Variants in OR2L2 observed in about 807,000 individuals in gnomAD.
OR2L2 encodes olfactory receptor 2L2.
For synonymous variants in OR2L2, 156 were observed against 135.4 expected, an observed-to-expected ratio of 1.15 and a Z score of -1.06; for missense variants, 378 against 375.2, an observed-to-expected ratio of 1.01 and a Z score of -0.06.
Position 248,039,656 on chromosome 1 carries a change from T to C in OR2L2, c.*450T>C, listed in dbSNP as rs1216813456. 4 of 153,766 alleles carry C rather than the reference T, an allele frequency of 2.6e-5. No homozygotes were observed. The East Asian group carries it at 7.7e-4, about 29-fold the overall frequency. The allele number at this position is 153,766 out of a possible 1,614,324, so 9.5% of individuals were successfully genotyped here. On this transcript the variant is annotated 3_prime_UTR_variant, in exon 3 of 3. Coordinates refer to ENST00000641771, the MANE Select transcript of OR2L2 (RefSeq NM_001385855.1). ...TGTGGGCAACAGGGTTTCATTAACA[T>C]GTAGAAATCAAAACAATAAAGGTCC...
chr1:248,033,893 G>T (rs568964652), intron 1 of OR2L2, among the ~76,000 whole-genome samples: 1 of 152,142 alleles, frequency 6.6e-6, no homozygotes, highest in Non-Finnish European at 1.5e-5. Context: ...CAGTCAGAAA[G>T]AGAATGAAAT....
In OR2L2 at chr1:248,039,153, G is replaced by A. The variant is rs762468283; in HGVS notation, c.886G>A (p.Val296Met). 1.2e-6 allele frequency: 2 copies of A among 1,613,614 alleles called. No individual in the cohort carries two copies. The highest frequency in any genetic ancestry group is 4.5e-5 in the East Asian group (2 of 44,874). Residue 296 changes from valine to methionine, a missense_variant, in exon 3 of 3, where the codon GTG (valine) becomes ATG (methionine). Transcript: ENST00000641771. The part of the protein sequence containing the change: ...PIIYSLRNKE[V>M]MGALTQVIQK... ...CATCTACAGCCTGAGAAACAAGGAGGTGATGGGGGCCCTGACACAAGTGAT... is the reference window on the plus strand; with the variant it reads ...CATCTACAGCCTGAGAAACAAGGAGATGATGGGGGCCCTGACACAAGTGAT...
At chr1:248,033,465 C>G (rs1662673578) in intron 1 of OR2L2, among the ~76,000 whole-genome samples, 1 of 151,636 alleles carries the variant, frequency 6.6e-6, no homozygotes, top group Non-Finnish European at 1.5e-5. Context: ...GAAACAGGGT[C>G]TCACTCTGTC....
chr1:248,039,125 C>T lies in OR2L2; in HGVS notation c.858C>T (p.Pro286=), dbSNP rs1163819001. The T allele has an allele frequency of 2.5e-6, 4 of 1,614,084 alleles. No individual in the cohort carries two copies. Among genetic ancestry groups the T allele is most frequent in the African/African-American group, 2.7e-5 (2 of 75,046 alleles). Residue 286 remains proline, a synonymous_variant, in exon 3 of 3, where the codon CCC becomes CCT. Transcript: ENST00000641771. Reference sequence around the variant, plus strand: ...CCATCCTCACCCCAATGCTCAACCCCATCATCTACAGCCTGAGAAACAAGG... The same window carrying T: ...CCATCCTCACCCCAATGCTCAACCCTATCATCTACAGCCTGAGAAACAAGG... The part of the protein sequence containing the change: ...FYTILTPMLN[P]IIYSLRNKEV...
rs1662739548 is a variant in OR2L2, at chr1:248,035,608, C to T, written c.-38C>T. 6.6e-6 allele frequency: 1 copy of T among 152,140 alleles called. No homozygotes were observed. Among genetic ancestry groups the T allele is most frequent in the African/African-American group, 2.4e-5 (1 of 41,416 alleles). The allele number at this position is 152,140 out of a possible 1,614,324, so 9.4% of individuals were successfully genotyped here. ...CTAAAATATTGGACCCATAACAGAC[C>T]CTTCCTGAACCCAAAGGTAAGGACT... is the stretch of plus-strand genomic sequence containing the variant. On this transcript the variant is annotated 5_prime_UTR_variant, in exon 2 of 3. Transcript: ENST00000641771.
chr1:248,039,232 G>A lies in OR2L2; in HGVS notation c.*26G>A, dbSNP rs1232802935. Reference sequence around the variant, plus strand: ...ACATACGTTCTGTGTTAGAGTCAAAGCGCTAGGTTCATATCAACTTAGTAG... The same window carrying A: ...ACATACGTTCTGTGTTAGAGTCAAAACGCTAGGTTCATATCAACTTAGTAG... On this transcript the variant is annotated 3_prime_UTR_variant, in exon 3 of 3. Coordinates refer to ENST00000641771, the MANE Select transcript of OR2L2 (RefSeq NM_001385855.1). The A allele has an allele frequency of 3.2e-6, 5 of 1,578,276 alleles. No individual in the cohort carries two copies. Among genetic ancestry groups the A allele is most frequent in the South Asian group, 2.4e-5 (2 of 83,766 alleles).
chr1:248,033,174 A>C (rs996194381), intron 1 of OR2L2, among the ~76,000 whole-genome samples: 1 of 152,142 alleles, frequency 6.6e-6, no homozygotes, highest in Non-Finnish European at 1.5e-5. Flanking sequence ...AGGCTGTACA[A>C]TTTCATTTTG....
Position 248,038,992 on chromosome 1 carries a change from C to A in OR2L2, c.725C>A (p.Thr242Asn), listed in dbSNP as rs1662861101. ...AAGAAGGCCTATTCAACCTGTAGCA[C>A]CCACCTCACTGTAGTGTCCTTCTAC... is the stretch of plus-strand genomic sequence containing the variant. ...GRKKAYSTCS[T>N]HLTVVSFYYA... The change falls in exon 3 of 3, where the codon ACC becomes AAC. Residue 242 changes from threonine (T) to asparagine (N), a missense_variant. Coordinates refer to ENST00000641771, the MANE Select transcript of OR2L2 (RefSeq NM_001385855.1). 1 of 1,613,940 alleles carries A rather than the reference C, an allele frequency of 6.2e-7. No individual in the cohort carries two copies. Among genetic ancestry groups the A allele is most frequent in the Non-Finnish European group, 8.5e-7 (1 of 1,179,986 alleles).
intron 2 of OR2L2, among the ~76,000 whole-genome samples, chr1:248,037,825 A>C (rs1275613830): frequency 6.6e-6 from 1 of 152,200 alleles, no homozygotes; most frequent in Non-Finnish European, 1.5e-5. Context: ...ACACTTCATA[A>C]ATTTTCAATT....
intron 1 of OR2L2, 123 bp downstream of exon 1, chr1:248,030,358 T>C (rs1662585188): frequency 1.3e-5 from 2 of 152,194 alleles, no homozygotes. Flanking sequence ...CTAATGACTG[T>C]ACTTTCTCTA....
In OR2L2 at chr1:248,039,064, C is replaced by T. The variant is rs775755002; in HGVS notation, c.797C>T (p.Ser266Phe). Reference protein sequence around the residue: ...YTYVRPRSLRSPTEDKILAVF... With the variant: ...YTYVRPRSLRFPTEDKILAVF... ...TATGTACGTCCAAGATCCCTGCGAT[C>T]TCCAACAGAGGACAAGATTCTGGCT... The change falls in exon 3 of 3, where the codon TCT becomes TTT. Residue 266 changes from serine (S) to phenylalanine (F), a missense_variant. Coordinates refer to ENST00000641771, the MANE Select transcript of OR2L2 (RefSeq NM_001385855.1). 14 of 1,614,026 alleles carry T rather than the reference C, an allele frequency of 8.7e-6. No individual in the cohort carries two copies. The East Asian group carries it at 2.9e-4, about 33-fold the overall frequency.
rs775194595 is a variant in OR2L2, at chr1:248,040,596, TA to T, written c.*1391del. The T allele has an allele frequency of 1.3e-5, 2 of 152,312 alleles. No individual in the cohort carries two copies. The highest frequency in any genetic ancestry group is 6.5e-5 in the Admixed American group (1 of 15,300). 9.4% of individuals were successfully genotyped at this position (152,312 alleles called of 1,614,324 possible). On this transcript the variant is annotated 3_prime_UTR_variant, in exon 3 of 3. Coordinates refer to ENST00000641771, the MANE Select transcript of OR2L2 (RefSeq NM_001385855.1). ...TCTATCCCTAAATAAATAGTAAACA[TA>T]TTTTCTCTTTCTGATGATTTTCTCA...
rs1662952884 is a variant in OR2L2, at chr1:248,041,613, G to A, written c.*2407G>A. On this transcript the variant is annotated 3_prime_UTR_variant, in exon 3 of 3. Transcript: ENST00000641771. ...GAAAATTTTTGCAACCTACTCATCT[G>A]ACAAAGGGCTAATATCCAGAATCTA... 6.6e-6 allele frequency: 1 copy of A among 152,066 alleles called. No homozygotes were observed. The highest frequency in any genetic ancestry group is 1.5e-5 in the Non-Finnish European group (1 of 68,014). 9.4% of individuals were successfully genotyped at this position (152,066 alleles called of 1,614,324 possible).
Position 248,038,418 on chromosome 1 carries a change from G to T in OR2L2, c.151G>T (p.Asp51Tyr). The T allele has an allele frequency of 6.2e-7, 1 of 1,613,474 alleles. No individual in the cohort carries two copies. Among genetic ancestry groups the T allele is most frequent in the Non-Finnish European group, 8.5e-7 (1 of 1,179,688 alleles). Residue 51 changes from aspartate to tyrosine, a missense_variant, in exon 3 of 3, where the codon GAC (aspartate) becomes TAC (tyrosine). Physicochemically the swap from Asp to Tyr is radical, Grantham distance 160. Transcript: ENST00000641771. ...ATCCATGATTCTTCTCATCTTTTTG[G>T]ACATCCATCTCCACACACCTATGTA... ...NLSMILLIFL[D>Y]IHLHTPMYFL...
intron 2 of OR2L2, among the ~76,000 whole-genome samples, chr1:248,037,747 TG>T (rs949312277): frequency 6.6e-6 from 1 of 152,224 alleles, no homozygotes; most frequent in African/African-American, 2.4e-5. Context: ...TTCACTGTTT[TG>T]CTTTCCGTGG....
intron 2 of OR2L2, among the ~76,000 whole-genome samples, chr1:248,037,939 C>T (rs1355038193): frequency 6.6e-6 from 1 of 152,076 alleles, no homozygotes; most frequent in East Asian, 1.9e-4. Flanking sequence ...ATTTTGTCAT[C>T]ACAAGAAAAA....
rs755473752 is a variant in OR2L2, at chr1:248,038,779, G to C, written c.512G>C (p.Arg171Thr). ...YALCIPYCKSRAINHFFCDVP... is the reference protein window; with the variant it reads ...YALCIPYCKSTAINHFFCDVP... ...CTCTGTATCCCATATTGCAAGTCCA[G>C]AGCCATCAATCATTTTTTCTGTGAT... is the stretch of plus-strand genomic sequence containing the variant. The change falls in exon 3 of 3, where the codon AGA becomes ACA. Residue 171 changes from arginine to threonine, a missense_variant. Arg to Thr is a moderately conservative substitution (Grantham distance 71). Coordinates refer to ENST00000641771, the MANE Select transcript of OR2L2 (RefSeq NM_001385855.1). 7 of 1,614,146 alleles carry C rather than the reference G, an allele frequency of 4.3e-6. No homozygotes were observed. The highest frequency in any genetic ancestry group is 5.1e-6 in the Non-Finnish European group (6 of 1,180,026).
At position 248,040,031 on chromosome 1, in the gene OR2L2, A is replaced by C. The variant is rs1662899898; in HGVS notation, c.*825A>C. 6.6e-6 allele frequency: 1 copy of C among 152,198 alleles called. No individual in the cohort carries two copies. Among genetic ancestry groups the C allele is most frequent in the South Asian group, 2.1e-4 (1 of 4,830 alleles). 9.4% of individuals were successfully genotyped at this position (152,198 alleles called of 1,614,324 possible). On this transcript the variant is annotated 3_prime_UTR_variant, in exon 3 of 3. Transcript: ENST00000641771. ...GAGTAGGTTATTTGAATCATTTCCCAGTCACGTCACAACACACTCAAGATT... is the reference window on the plus strand; with the variant it reads ...GAGTAGGTTATTTGAATCATTTCCCCGTCACGTCACAACACACTCAAGATT...
chr1:248,040,683 T>C lies in OR2L2; in HGVS notation c.*1477T>C, dbSNP rs1662926610. The C allele has an allele frequency of 6.6e-6, 1 of 152,212 alleles. No homozygotes were observed. Among genetic ancestry groups the C allele is most frequent in the African/African-American group, 2.4e-5 (1 of 41,454 alleles). 9.4% of individuals were successfully genotyped at this position (152,212 alleles called of 1,614,324 possible). ...AGTAGAGTATATAAGACATATAAGATACAAAGTTGTGTTAATTGAATGCTT... is the reference window on the plus strand; with the variant it reads ...AGTAGAGTATATAAGACATATAAGACACAAAGTTGTGTTAATTGAATGCTT... On this transcript the variant is annotated 3_prime_UTR_variant, in exon 3 of 3. Coordinates refer to ENST00000641771, the MANE Select transcript of OR2L2 (RefSeq NM_001385855.1).
Sources: gnomAD v4.1 joint callset for allele counts (sites outside exome capture counted in the v4.1 genomes callset) on GRCh38, gnomAD v4.1.1 for gene constraint, MANE v1.5 for transcripts, NCBI Gene and HGNC (gene_info 2026-07-23, HGNC 2026-07-21) for gene names.